Variants in TNFSF8 observed in about 807,000 individuals in gnomAD.
The protein encoded by TNFSF8 is tumor necrosis factor ligand superfamily member 8.
TNFSF8 carries 4 observed loss-of-function variants against 22.0 expected under a neutral mutation model. The ratio of observed to expected loss-of-function variants is 0.18; its 90% CI spans 0.09 to 0.42. The LOEUF (loss-of-function observed/expected upper bound fraction) is 0.42. Ranked by LOEUF, TNFSF8 falls within the 10% of genes least tolerant of loss-of-function variation. The pLI, the probability that TNFSF8 is intolerant of heterozygous loss-of-function variation, is 1.00. For missense variants in TNFSF8, 233 were observed against 281.8 expected, an observed-to-expected ratio of 0.83 and a Z score of 1.24; for synonymous variants, 106 against 112.5, an observed-to-expected ratio of 0.94 and a Z score of 0.37.
At chr9:114,923,208 T>A (rs1258244923) in intron 1 of TNFSF8, among the ~76,000 whole-genome samples, 1 of 152,158 alleles carries the variant, frequency 6.6e-6, no homozygotes, top group African/African-American at 2.4e-5. Flanking sequence ...TGCCTTCTTA[T>A]GGGCTGTGCC....
intron 1 of TNFSF8, among the ~76,000 whole-genome samples, chr9:114,925,490 G>T (rs763209603): frequency 2.0e-5 from 3 of 152,062 alleles, no homozygotes; most frequent in Admixed American, 6.5e-5. Context: ...CCATTCAGAC[G>T]TGTCTGCCAT....
intron 4 of TNFSF8, among the ~76,000 whole-genome samples, chr9:114,895,262 G>A (rs2131337282): frequency 6.6e-6 from 1 of 152,318 alleles, no homozygotes; most frequent in South Asian, 2.1e-4. Context: ...CTGGGATTTG[G>A]AGATGGATTC....
At position 114,905,860 on chromosome 9, in the gene TNFSF8, G is replaced by A. The variant is rs1339418739; in HGVS notation, c.278C>T (p.Ala93Val). Residue 93 changes from alanine (A) to valine (V), a missense_variant, in exon 3 of 4, where the codon GCT becomes GTT. Transcript: ENST00000223795. Reference sequence around the variant, plus strand: ...GTAGGCCCATGACTTCTTGAATGGAGCCCTTTTCAGGATACATAAGAGGTC... The same window carrying A: ...GTAGGCCCATGACTTCTTGAATGGAACCCTTTTCAGGATACATAAGAGGTC... ...SEDLLCILKR[A>V]PFKKSWAYLQ... 6.2e-7 allele frequency: 1 copy of A among 1,612,732 alleles called. No homozygotes were observed. The highest frequency in any genetic ancestry group is 2.2e-5 in the East Asian group (1 of 44,882).
At chr9:114,904,641 TGAA>T (rs1827763009) in intron 3 of TNFSF8, among the ~76,000 whole-genome samples, 1 of 152,200 alleles carries the variant, frequency 6.6e-6, no homozygotes, top group Non-Finnish European at 1.5e-5. Context: ...ATGAATATGA[TGAA>T]CTTTCCCTTT....
chr9:114,908,687 A>C (rs191848500), intron 2 of TNFSF8, among the ~76,000 whole-genome samples: 2 of 152,320 alleles, frequency 1.3e-5, no homozygotes, highest in Non-Finnish European at 2.9e-5. Flanking sequence ...CATTTCCTGA[A>C]GTCAAATGGC....
At chr9:114,895,416 T>C (rs1827646556) in intron 4 of TNFSF8, among the ~76,000 whole-genome samples, 1 of 152,218 alleles carries the variant, frequency 6.6e-6, no homozygotes, top group African/African-American at 2.4e-5. Context: ...CAGTTTTCCC[T>C]GCAGGATGAA....
At chr9:114,926,565 T>C (rs1301462111) in intron 1 of TNFSF8, among the ~76,000 whole-genome samples, 1 of 152,234 alleles carries the variant, frequency 6.6e-6, no homozygotes, top group African/African-American at 2.4e-5. Flanking sequence ...AGATAAATTA[T>C]GAAGCATTTA....
rs745505217 is a variant in TNFSF8, at chr9:114,904,006, T to G, written c.630A>C (p.Thr210=). 6.2e-7 allele frequency: 1 copy of G among 1,614,120 alleles called. No homozygotes were observed. Among genetic ancestry groups the G allele is most frequent in the Non-Finnish European group, 8.5e-7 (1 of 1,179,970 alleles). ...VNTTISVNVD[T]FQYIDTSTFP... ...AGGTGCTTGTATCTATGTACTGGAA[T>G]GTATCCACATTGACTGATATGGTGG... The change falls in exon 4 of 4, where the codon ACA becomes ACC. Residue 210 remains threonine (T), a synonymous_variant. Coordinates refer to ENST00000223795, the MANE Select transcript of TNFSF8 (RefSeq NM_001244.4).
At chr9:114,915,828 C>T (rs1017607619) in intron 2 of TNFSF8, among the ~76,000 whole-genome samples, 14 of 152,178 alleles carry the variant, frequency 9.2e-5, no homozygotes, top group East Asian at 3.9e-4. Context: ...TTGAACATAA[C>T]GGCAAAAGCT....
chr9:114,894,597 G>A (rs576303842), intron 4 of TNFSF8, among the ~76,000 whole-genome samples: 7 of 152,136 alleles, frequency 4.6e-5, no homozygotes, highest in South Asian at 4.1e-4. Context: ...GCATTTCTTC[G>A]AGCCTCTGTT....
chr9:114,910,828 C>A (rs988701933), intron 2 of TNFSF8, among the ~76,000 whole-genome samples: 64 of 152,290 alleles, frequency 4.2e-4, no homozygotes, highest in African/African-American at 1.4e-3. Flanking sequence ...ATGTACAGCA[C>A]CTTTGATATA....
chr9:114,912,579 C>T (rs1376999725), intron 2 of TNFSF8, among the ~76,000 whole-genome samples: 2 of 152,030 alleles, frequency 1.3e-5, no homozygotes, highest in African/African-American at 4.8e-5. Flanking sequence ...TTTTTGAAGA[C>T]AGGGTTTCAC....
intron 1 of TNFSF8, among the ~76,000 whole-genome samples, chr9:114,923,557 A>C: frequency 8.6e-6 from 1 of 116,570 alleles, no homozygotes; most frequent in Non-Finnish European, 1.7e-5. Flanking sequence ...TCACTCTGTC[A>C]CTCAGGCTGG....
chr9:114,920,009 A>G (rs1409123730), intron 1 of TNFSF8, among the ~76,000 whole-genome samples: 1 of 152,194 alleles, frequency 6.6e-6, no homozygotes, highest in Non-Finnish European at 1.5e-5. Flanking sequence ...TCCTACTGTA[A>G]CAGTCTACGA....
intron 2 of TNFSF8, among the ~76,000 whole-genome samples, chr9:114,911,725 TC>T (rs924895433): frequency 6.6e-5 from 10 of 152,000 alleles, no homozygotes; most frequent in African/African-American, 2.2e-4. Flanking sequence ...AAATCCTGCC[TC>T]CCCCCGCCCC....
chr9:114,909,077 C>A (rs1407976600), intron 2 of TNFSF8, among the ~76,000 whole-genome samples: 9 of 152,172 alleles, frequency 5.9e-5, no homozygotes, highest in Non-Finnish European at 1.2e-4. Context: ...ACAGTGCTGG[C>A]AGCTCACAGA....
chr9:114,908,961 A>C, intron 2 of TNFSF8, among the ~76,000 whole-genome samples: 1 of 152,168 alleles, frequency 6.6e-6, no homozygotes, highest in Non-Finnish European at 1.5e-5. Flanking sequence ...TGGAAGAGGA[A>C]GGAGATGAAG....
At chr9:114,923,172 AC>A (rs1339739438) in intron 1 of TNFSF8, among the ~76,000 whole-genome samples, 2 of 152,158 alleles carry the variant, frequency 1.3e-5, no homozygotes, top group African/African-American at 4.8e-5. Context: ...TTCTGGCCCT[AC>A]CATTCCTCTC....
chr9:114,913,852 C>T (rs1487776282), intron 2 of TNFSF8, among the ~76,000 whole-genome samples: 4 of 152,182 alleles, frequency 2.6e-5, no homozygotes, highest in Non-Finnish European at 5.9e-5. Context: ...ATTCTTGGCA[C>T]ATAGTGATGC....
Sources: allele counts gnomAD v4.1 joint callset (sites outside exome capture counted in the v4.1 genomes callset), GRCh38; gene constraint gnomAD v4.1.1; transcripts MANE v1.5; gene names NCBI Gene and HGNC (gene_info 2026-07-23, HGNC 2026-07-21).